The following MAGI2 variants were observed in gnomAD, a reference collection of about 807,000 sequenced individuals.
MAGI2 encodes the protein membrane-associated guanylate kinase, WW and PDZ domain-containing protein 2.
A neutral mutation model predicts 133.3 loss-of-function variants in MAGI2; 35 were observed. The ratio of observed to expected loss-of-function variants is 0.26; its 90% CI spans 0.20 to 0.35. MAGI2 has a LOEUF of 0.35. Among genes scored for constraint, MAGI2 ranks in the 10% least tolerant of loss-of-function variants. The pLI, the probability that MAGI2 is intolerant of heterozygous loss-of-function variation, is 1.00. For synonymous variants in MAGI2, 729 were observed against 710.6 expected (o/e 1.03, Z -0.41); for missense variants, 1,636 against 1,863.4 (o/e 0.88, Z 2.25).
chr7:78,755,869 G>C (rs560286271), intron 2 of MAGI2, among the ~76,000 whole-genome samples: 1 of 152,292 alleles, frequency 6.6e-6, no homozygotes, highest in South Asian at 2.1e-4. Flanking sequence ...TCAAAATTGT[G>C]TTGCTTCCTC....
intron 21 of MAGI2, among the ~76,000 whole-genome samples, chr7:78,041,646 G>A (rs973008480): frequency 6.6e-6 from 1 of 152,196 alleles, no homozygotes; most frequent in Non-Finnish European, 1.5e-5. Flanking sequence ...CTGTACTCCA[G>A]CATGGGTGAC....
intron 3 of MAGI2, among the ~76,000 whole-genome samples, chr7:78,570,214 T>C (rs1412367498): frequency 6.6e-6 from 1 of 152,216 alleles, no homozygotes; most frequent in Non-Finnish European, 1.5e-5. Context: ...CAAACAAGTC[T>C]TCAACGTGTT....
chr7:78,341,215 C>G (rs1790339544), intron 9 of MAGI2, among the ~76,000 whole-genome samples: 3 of 152,052 alleles, frequency 2.0e-5, no homozygotes, highest in Admixed American at 2.0e-4. Context: ...TTCAAAACTG[C>G]TACAAAGAGA....
chr7:78,147,783 C>A (rs575508754), intron 16 of MAGI2, among the ~76,000 whole-genome samples: 204 of 152,072 alleles, frequency 1.3e-3, no homozygotes, highest in African/African-American at 4.6e-3. Flanking sequence ...ATTGCTTGAG[C>A]CCAGGAATTC....
Position 79,016,356 on chromosome 7 carries a change from C to T in MAGI2, c.302-9150G>A, listed in dbSNP as rs1584688298. Among the ~76,000 whole-genome samples, 3 of 152,250 alleles carry T rather than the reference C, an allele frequency of 2.0e-5. No individual in the cohort carries two copies. In the East Asian group the frequency reaches 5.8e-4, roughly 29 times the overall value. On this transcript the variant is annotated intron_variant, in intron 1 of 21. Coordinates refer to ENST00000354212, the MANE Select transcript of MAGI2 (RefSeq NM_012301.4). Reference sequence around the variant, plus strand: ...GGTCTGCTGGCCTCTCCTGTGACCCCAGCTAGGCCTGATTGCAGTGCAGCC... The same window carrying T: ...GGTCTGCTGGCCTCTCCTGTGACCCTAGCTAGGCCTGATTGCAGTGCAGCC...
chr7:79,034,802 C>T (rs1254752656), intron 1 of MAGI2, among the ~76,000 whole-genome samples: 1 of 152,196 alleles, frequency 6.6e-6, no homozygotes, highest in Non-Finnish European at 1.5e-5. Context: ...TAGAAATCTG[C>T]TTCAGCAGTA....
intron 1 of MAGI2, among the ~76,000 whole-genome samples, chr7:79,136,125 G>GAAAGAA (rs1821547575): frequency 1.4e-5 from 2 of 144,840 alleles, no homozygotes; most frequent in Admixed American, 1.4e-4. Flanking sequence ...AAGAAAGAAA[G>GAAAGAA]AAAGACACAA....
chr7:78,080,425 C>A (rs1296004630), intron 20 of MAGI2, among the ~76,000 whole-genome samples: 2 of 152,206 alleles, frequency 1.3e-5, no homozygotes, highest in African/African-American at 4.8e-5. Context: ...TTCAGGTTTC[C>A]TTAATTGTCT....
At chr7:78,301,823 A>G (rs1448446230) in intron 9 of MAGI2, among the ~76,000 whole-genome samples, 2 of 152,182 alleles carry the variant, frequency 1.3e-5, no homozygotes, top group Non-Finnish European at 2.9e-5. Context: ...GGGGTTCCAG[A>G]GCCAGACTAT....
At chr7:78,274,613 C>CTT (rs34832831) in intron 9 of MAGI2, among the ~76,000 whole-genome samples, 33 of 149,052 alleles carry the variant, frequency 2.2e-4, no homozygotes, top group African/African-American at 7.9e-4. Flanking sequence ...GGGGTGCTGC[C>CTT]TTTTTTTTTT....
chr7:78,511,287 G>A (rs900228977), intron 4 of MAGI2, among the ~76,000 whole-genome samples: 18 of 151,586 alleles, frequency 1.2e-4, no homozygotes, highest in Middle Eastern at 6.8e-3. Flanking sequence ...ATTTTTCATC[G>A]TGGCTGTACT....
At chr7:78,837,953 C>T (rs1791794447) in intron 2 of MAGI2, among the ~76,000 whole-genome samples, 1 of 152,118 alleles carries the variant, frequency 6.6e-6, no homozygotes, top group South Asian at 2.1e-4. Flanking sequence ...AAAACAACTG[C>T]TTCAGAGTCC....
intron 2 of MAGI2, among the ~76,000 whole-genome samples, chr7:78,697,785 T>C (rs1352960730): frequency 6.6e-6 from 1 of 152,158 alleles, no homozygotes; most frequent in Non-Finnish European, 1.5e-5. Flanking sequence ...ACTATTTCTC[T>C]CCCTTTTTAT....
chr7:78,802,444 C>T (rs1025982298), intron 2 of MAGI2, among the ~76,000 whole-genome samples: 2 of 152,096 alleles, frequency 1.3e-5, no homozygotes, highest in Non-Finnish European at 2.9e-5. Context: ...AGTGAAATGT[C>T]CCAATTTACA....
At chr7:78,797,971 G>C (rs145718232) in intron 2 of MAGI2, among the ~76,000 whole-genome samples, 1,775 of 152,204 alleles carry the variant, frequency 0.012, 32 homozygotes, top group African/African-American at 0.041. Context: ...CTTTGCAAAG[G>C]AACAGGGTCA....
rs371860970 is a variant in MAGI2, at chr7:78,185,628, C to T, written c.2311+1G>A. ...AACTGTGAGTACTGAACAATACTTG[C>T]CAGAGGAATCCATTCGAAAACTGGT... On this transcript the variant is annotated splice_donor_variant, in intron 13 of 21. Transcript: ENST00000354212. LOFTEE classifies it high-confidence loss of function. 6.3e-7 allele frequency: 1 copy of T among 1,588,042 alleles called. No homozygotes were observed. Among genetic ancestry groups the T allele is most frequent in the Non-Finnish European group, 8.6e-7 (1 of 1,162,136 alleles).
rs1029789462 is a variant in MAGI2 at position 78,487,938 on chromosome 7, T to C, written c.1045+1823A>G. On this transcript the variant is annotated intron_variant, in intron 6 of 21. Transcript: ENST00000354212. ...GTTGTAAATAAGTAATACTAATCTA[T>C]GTCATTTAAAGAAAAGTAAAACACA... Among the ~76,000 whole-genome samples, 8 of 152,168 alleles carry C rather than the reference T, an allele frequency of 5.3e-5. 1 individual carries two copies. Among genetic ancestry groups the C allele is most frequent in the Admixed American group, 3.3e-4 (5 of 15,266 alleles).
At chr7:78,798,111 G>A (rs1563518011) in intron 2 of MAGI2, among the ~76,000 whole-genome samples, 1 of 152,116 alleles carries the variant, frequency 6.6e-6, no homozygotes, top group Non-Finnish European at 1.5e-5. Context: ...CAAAGGACCA[G>A]GAGAAAAACT....
intron 1 of MAGI2, among the ~76,000 whole-genome samples, chr7:79,149,392 A>T (rs909083711): frequency 3.3e-5 from 5 of 151,802 alleles, no homozygotes; most frequent in Middle Eastern, 3.2e-3. Context: ...ATGATTTTGG[A>T]TGCGTAACCT....
Sources: allele counts gnomAD v4.1 joint callset (sites outside exome capture counted in the v4.1 genomes callset), GRCh38; gene constraint gnomAD v4.1.1; transcripts MANE v1.5; gene names NCBI Gene and HGNC (gene_info 2026-07-23, HGNC 2026-07-21).